The following AGAP1 variants were observed in gnomAD, a reference collection of about 807,000 sequenced individuals.
AGAP1 encodes the protein ArfGAP with GTPase domain, ankyrin repeat and PH domain 1, also known as arf-GAP with GTPase, ANK repeat and PH domain-containing protein 1.
AGAP1 carries 29 observed loss-of-function variants against 105.3 expected under a neutral mutation model. The observed-to-expected ratio is 0.28, with a 90% CI of 0.21 to 0.38. The LOEUF is 0.38. Ranked by LOEUF, AGAP1 falls within the 10% of genes least tolerant of loss-of-function variation. AGAP1 has a pLI of 1.00. For missense variants in AGAP1, 998 were observed against 1,165.1 expected, an observed-to-expected ratio of 0.86 and a Z score of 2.09; for synonymous variants, 509 against 485.9, an observed-to-expected ratio of 1.05 and a Z score of -0.63.
Position 235,855,956 on chromosome 2 carries a change from C to A in AGAP1, c.1051-27389C>A, listed in dbSNP as rs569602068. Reference sequence around the variant, plus strand: ...TGAGATGGAGTCTCGCTCTGTCACCCAGGCTGGAGTGCAATGGCATGATCT... The same window carrying A: ...TGAGATGGAGTCTCGCTCTGTCACCAAGGCTGGAGTGCAATGGCATGATCT... On this transcript the variant is annotated intron_variant, in intron 9 of 17. Coordinates refer to ENST00000304032, the MANE Select transcript of AGAP1 (RefSeq NM_001037131.3). The surrounding 1 kb of genome is among the most constrained non-coding windows in gnomAD (Gnocchi z 5.0). Among the ~76,000 whole-genome samples, 1 of 152,128 alleles carries A rather than the reference C, an allele frequency of 6.6e-6. No individual in the cohort carries two copies. Among genetic ancestry groups the A allele is most frequent in the East Asian group, 1.9e-4 (1 of 5,176 alleles).
intron 1 of AGAP1, among the ~76,000 whole-genome samples, chr2:235,679,914 A>G (rs553334621): frequency 6.6e-6 from 1 of 152,214 alleles, no homozygotes; most frequent in African/African-American, 2.4e-5. Flanking sequence ...CGTATTTTCA[A>G]ATATTTAGGT....
At chr2:235,713,787 C>A (rs933922250) in intron 2 of AGAP1, among the ~76,000 whole-genome samples, 1 of 152,162 alleles carries the variant, frequency 6.6e-6, no homozygotes, top group African/African-American at 2.4e-5. Flanking sequence ...GCTCACAGTT[C>A]TGGAGGCCAG....
chr2:235,669,830 C>G (rs887327348), intron 1 of AGAP1: 5 of 147,972 alleles, frequency 3.4e-5, no homozygotes, highest in African/African-American at 4.9e-5. Flanking sequence ...CCGCACCTGC[C>G]GGCGAGAGCG....
intron 16 of AGAP1, among the ~76,000 whole-genome samples, chr2:236,070,640 A>G (rs2058471513): frequency 6.6e-6 from 1 of 152,252 alleles, no homozygotes; most frequent in Non-Finnish European, 1.5e-5. Context: ...ATTGATGTAT[A>G]CTACAACGTA....
At chr2:235,854,065 C>T (rs1267994103) in intron 9 of AGAP1, among the ~76,000 whole-genome samples, 1 of 152,060 alleles carries the variant, frequency 6.6e-6, no homozygotes, top group East Asian at 1.9e-4. Context: ...CATGGGATGA[C>T]CCCGCCTTAT....
intron 1 of AGAP1, among the ~76,000 whole-genome samples, chr2:235,513,544 A>G (rs1175436035): frequency 6.7e-6 from 1 of 149,988 alleles, no homozygotes; most frequent in Admixed American, 6.7e-5. Context: ...AAAAAAAAAA[A>G]AAAGAAATGC....
Position 235,651,184 on chromosome 2 carries a change from C to CAA in AGAP1, c.164-57963_164-57962dup, listed in dbSNP as rs55990003. Among the ~76,000 whole-genome samples, 415 of 54,124 alleles carry CAA rather than the reference C, an allele frequency of 7.7e-3. 24 individuals carry two copies. Among genetic ancestry groups the CAA allele is most frequent in the East Asian group, 0.019 (11 of 594 alleles). The allele number at this position is 54,124 out of a possible 152,430, so 35.5% of individuals were successfully genotyped here. Reference sequence around the variant, plus strand: ...AGAGTGACAGAGTGAAACTCCATCTCAAAAAAAAAAAAAAAAAAAAAAAAA... The same window carrying CAA: ...AGAGTGACAGAGTGAAACTCCATCTCAAAAAAAAAAAAAAAAAAAAAAAAAAA... On this transcript the variant is annotated intron_variant, in intron 1 of 17. Coordinates refer to ENST00000304032, the MANE Select transcript of AGAP1 (RefSeq NM_001037131.3).
chr2:235,772,885 G>C (rs1189363877), intron 6 of AGAP1, among the ~76,000 whole-genome samples: 1 of 152,206 alleles, frequency 6.6e-6, no homozygotes, highest in Non-Finnish European at 1.5e-5. Flanking sequence ...TATGTGCCCA[G>C]TAAAGCTGTC....
intron 13 of AGAP1, among the ~76,000 whole-genome samples, chr2:235,985,705 A>G (rs1279627324): frequency 6.6e-6 from 1 of 152,176 alleles, no homozygotes; most frequent in African/African-American, 2.4e-5. Context: ...CAGTTTTCCC[A>G]GCACCATTTA....
Position 235,801,834 on chromosome 2 carries a change from C to A in AGAP1, c.957+2312C>A, listed in dbSNP as rs1957510574. On this transcript the variant is annotated intron_variant, in intron 8 of 17. Coordinates refer to ENST00000304032, the MANE Select transcript of AGAP1 (RefSeq NM_001037131.3). The surrounding 1 kb of genome is among the most constrained non-coding windows in gnomAD (Gnocchi z 6.0). ...ATTCTCAGACGCCTTCTGAGGGCCA[C>A]ATTTTCTGCTTGTTGACTTTGCTTT... Among the ~76,000 whole-genome samples the A allele has an allele frequency of 1.3e-5, 2 of 152,062 alleles. No individual in the cohort carries two copies. Among genetic ancestry groups the A allele is most frequent in the Non-Finnish European group, 1.5e-5 (1 of 68,026 alleles).
In AGAP1 at chr2:235,586,421, A is replaced by G. The variant is rs1945114328; in HGVS notation, c.163+91572A>G. 1.3e-5 allele frequency among the ~76,000 whole-genome samples: 2 copies of G among 151,976 alleles called. No homozygotes were observed. The highest frequency in any genetic ancestry group is 4.1e-4 in the South Asian group (2 of 4,824). ...TGAAGAGGCTGTGACCTCCCCAAAT[A>G]CTCGGACTCCCCTGTGGAAGGCAAG... is the stretch of plus-strand genomic sequence containing the variant. On this transcript the variant is annotated intron_variant, in intron 1 of 17. Coordinates refer to ENST00000304032, the MANE Select transcript of AGAP1 (RefSeq NM_001037131.3). This position sits in a 1 kb window ranked among gnomAD's most constrained non-coding sequence, Gnocchi z 4.2.
In AGAP1 at chr2:235,789,422, C is replaced by T. The variant is rs149479651; in HGVS notation, c.674-8337C>T. Among the ~76,000 whole-genome samples, 2,071 of 152,204 alleles carry T rather than the reference C, an allele frequency of 0.014. 26 individuals carry two copies. Among genetic ancestry groups the T allele is most frequent in the South Asian group, 0.027 (130 of 4,814 alleles). ...AGCTTCATTTCCAGCAAATTAACAA[C>T]CCTAATAGGTAATTGCGACATAAAT... On this transcript the variant is annotated intron_variant, in intron 6 of 17. Transcript: ENST00000304032. The surrounding 1 kb of genome is among the most constrained non-coding windows in gnomAD (Gnocchi z 4.2).
chr2:235,780,405 G>A (rs1956187390), intron 6 of AGAP1, among the ~76,000 whole-genome samples: 1 of 151,946 alleles, frequency 6.6e-6, no homozygotes, highest in Non-Finnish European at 1.5e-5. Context: ...AGCCAAGTAA[G>A]CAAACTCAAA....
intron 1 of AGAP1, among the ~76,000 whole-genome samples, chr2:235,645,713 C>T (rs1022085116): frequency 2.0e-5 from 3 of 152,122 alleles, no homozygotes; most frequent in Non-Finnish European, 4.4e-5. Context: ...GAGACAAGGT[C>T]GGCCTGAGTG....
chr2:235,651,897 G>T (rs554544118), intron 1 of AGAP1, among the ~76,000 whole-genome samples: 2 of 152,324 alleles, frequency 1.3e-5, no homozygotes, highest in East Asian at 3.9e-4. Context: ...TATAAAGGCA[G>T]CAGGGCACCC....
chr2:236,090,199 G>T lies in AGAP1; in HGVS notation c.2115-29993G>T, dbSNP rs2059024414. Reference sequence around the variant, plus strand: ...GCTGCACAGGCTGGGGATGGGCTGGGTAGAAATGGCAGTTTTGTGGTCGTT... The same window carrying T: ...GCTGCACAGGCTGGGGATGGGCTGGTTAGAAATGGCAGTTTTGTGGTCGTT... On this transcript the variant is annotated intron_variant, in intron 16 of 17. Coordinates refer to ENST00000304032, the MANE Select transcript of AGAP1 (RefSeq NM_001037131.3). The surrounding 1 kb of genome is among the most constrained non-coding windows in gnomAD (Gnocchi z 4.3). 6.6e-6 allele frequency among the ~76,000 whole-genome samples: 1 copy of T among 152,180 alleles called. No individual in the cohort carries two copies. Among genetic ancestry groups the T allele is most frequent in the Admixed American group, 6.5e-5 (1 of 15,276 alleles).
intron 1 of AGAP1, among the ~76,000 whole-genome samples, chr2:235,547,901 T>A (rs1227625961): frequency 6.6e-6 from 1 of 152,224 alleles, no homozygotes; most frequent in African/African-American, 2.4e-5. Context: ...GGCAGATGCT[T>A]GGTGTCTGTG....
intron 9 of AGAP1, among the ~76,000 whole-genome samples, chr2:235,811,384 C>T (rs904547569): frequency 2.4e-4 from 36 of 152,212 alleles, no homozygotes; most frequent in African/African-American, 5.8e-4. Context: ...ATCGTGCTTA[C>T]GCAATTGAAA....
Position 235,620,700 on chromosome 2 carries a change from G to A in AGAP1, c.164-88479G>A, listed in dbSNP as rs1283788448. Reference sequence around the variant, plus strand: ...TGTCTGGTGTCTCTCTCTCCCCACTGGATGGAATATAAGGGCTTGTGTTTG... The same window carrying A: ...TGTCTGGTGTCTCTCTCTCCCCACTAGATGGAATATAAGGGCTTGTGTTTG... On this transcript the variant is annotated intron_variant, in intron 1 of 17. Transcript: ENST00000304032. The surrounding 1 kb of genome is among the most constrained non-coding windows in gnomAD (Gnocchi z 4.5). Among the ~76,000 whole-genome samples, 1 of 152,264 alleles carries A rather than the reference G, an allele frequency of 6.6e-6. No individual in the cohort carries two copies. The highest frequency in any genetic ancestry group is 1.5e-5 in the Non-Finnish European group (1 of 68,026).
Sources: gnomAD v4.1 joint callset for allele counts (sites outside exome capture counted in the v4.1 genomes callset) on GRCh38, gnomAD v4.1.1 for gene constraint, Gnocchi (gnomAD v3.1) non-coding constraint, MANE v1.5 for transcripts, NCBI Gene and HGNC (gene_info 2026-07-23, HGNC 2026-07-21) for gene names.